Variants in GALNTL6 observed in about 807,000 individuals in gnomAD.
GALNTL6 encodes polypeptide N-acetylgalactosaminyltransferase like 6.
A neutral mutation model predicts 73.7 loss-of-function variants in GALNTL6; 46 were observed. The ratio of observed to expected loss-of-function variants is 0.62; its 90% CI spans 0.49 to 0.80. The LOEUF (loss-of-function observed/expected upper bound fraction) is 0.80. Among genes scored for constraint, GALNTL6 ranks in the 30% least tolerant of loss-of-function variants. GALNTL6 has a pLI of 0.00. For synonymous variants in GALNTL6, 259 were observed against 263.7 expected (o/e 0.98, Z 0.17); for missense variants, 604 against 755.0 (o/e 0.80, Z 2.34).
At chr4:172,063,663 T>C (rs1044289660) in intron 2 of GALNTL6, among the ~76,000 whole-genome samples, 2 of 152,204 alleles carry the variant, frequency 1.3e-5, no homozygotes, top group Non-Finnish European at 2.9e-5. Context: ...TCTGTTCTTT[T>C]GAGTGCTACA....
At chr4:172,581,748 T>C (rs1737199880) in intron 5 of GALNTL6, among the ~76,000 whole-genome samples, 1 of 152,186 alleles carries the variant, frequency 6.6e-6, no homozygotes, top group Non-Finnish European at 1.5e-5. Flanking sequence ...TGCTCTCTGA[T>C]TGGCTTGAGA....
At chr4:172,161,492 G>A (rs115912119) in intron 2 of GALNTL6, among the ~76,000 whole-genome samples, 2,789 of 152,072 alleles carry the variant, frequency 0.018, 43 homozygotes, top group South Asian at 0.032. Flanking sequence ...ATACTCATTG[G>A]CAGTACAGAG....
At chr4:172,019,163 G>T (rs1375100478) in intron 2 of GALNTL6, among the ~76,000 whole-genome samples, 2 of 152,080 alleles carry the variant, frequency 1.3e-5, no homozygotes, top group African/African-American at 4.8e-5. Flanking sequence ...GTACACTCCT[G>T]CAATGGTTTT....
At chr4:172,672,702 CTTA>C (rs1436321831) in intron 5 of GALNTL6, among the ~76,000 whole-genome samples, 1 of 152,006 alleles carries the variant, frequency 6.6e-6, no homozygotes, top group African/African-American at 2.4e-5. Flanking sequence ...AATTTTAGAA[CTTA>C]TTATTGGTCT....
At chr4:171,909,250 C>T (rs945024036) in intron 2 of GALNTL6, among the ~76,000 whole-genome samples, 2 of 150,390 alleles carry the variant, frequency 1.3e-5, no homozygotes, top group Non-Finnish European at 1.5e-5. Flanking sequence ...TTTTGTGCAA[C>T]CACAGTGATG....
chr4:171,922,542 T>A (rs568514514), intron 2 of GALNTL6, among the ~76,000 whole-genome samples: 1 of 152,192 alleles, frequency 6.6e-6, no homozygotes, highest in East Asian at 1.9e-4. Context: ...TGTATTTTTT[T>A]TTTTACATTG....
At chr4:172,106,929 C>A (rs28572436) in intron 2 of GALNTL6, among the ~76,000 whole-genome samples, 61,716 of 152,088 alleles carry the variant, frequency 0.41, 13,075 homozygotes, top group African/African-American at 0.5. Context: ...GCTGGAGTGC[C>A]ATGGCACGAT....
intron 10 of GALNTL6, among the ~76,000 whole-genome samples, chr4:173,006,267 C>T (rs1420690196): frequency 6.6e-6 from 1 of 152,132 alleles, no homozygotes; most frequent in Non-Finnish European, 1.5e-5. Context: ...AAGTTGTCTT[C>T]AGTATAAACT....
chr4:172,787,233 T>C (rs1739711699), intron 5 of GALNTL6, among the ~76,000 whole-genome samples: 2 of 152,154 alleles, frequency 1.3e-5, no homozygotes, highest in African/African-American at 4.8e-5. Context: ...CAAGATCACA[T>C]TATTTTGAAA....
chr4:172,337,818 C>A (rs1269033872), intron 4 of GALNTL6, among the ~76,000 whole-genome samples: 1 of 150,692 alleles, frequency 6.6e-6, no homozygotes, highest in Non-Finnish European at 1.5e-5. Flanking sequence ...ACCTATTTCT[C>A]TAGCAAAATT....
At position 172,274,172 on chromosome 4, in the gene GALNTL6, C is replaced by G. The variant is rs146687158; in HGVS notation, c.248-37442C>G. 1.2e-3 allele frequency among the ~76,000 whole-genome samples: 188 copies of G among 152,202 alleles called. 1 individual carries two copies. The highest frequency in any genetic ancestry group is 4.1e-3 in the African/African-American group (171 of 41,520). On this transcript the variant is annotated intron_variant, in intron 3 of 12. Coordinates refer to ENST00000506823, the MANE Select transcript of GALNTL6 (RefSeq NM_001034845.3). ...GTTACTTAATTCACAGTATCATGCA[C>G]TAAAATTTCTAAAATGTAAAAAAAG...
At chr4:172,957,849 GATA>G (rs2126366144) in intron 10 of GALNTL6, among the ~76,000 whole-genome samples, 1 of 152,336 alleles carries the variant, frequency 6.6e-6, no homozygotes, top group South Asian at 2.1e-4. Context: ...AGATGTGGAA[GATA>G]ATATAGCATA....
intron 5 of GALNTL6, among the ~76,000 whole-genome samples, chr4:172,460,101 C>T (rs568923168): frequency 1.8e-3 from 273 of 152,158 alleles, no homozygotes; most frequent in Non-Finnish European, 3.2e-3. Context: ...ACAAACCTGA[C>T]AAAAACAAGC....
At chr4:172,319,993 A>C (rs911461250) in intron 4 of GALNTL6, among the ~76,000 whole-genome samples, 6 of 152,120 alleles carry the variant, frequency 3.9e-5, no homozygotes, top group African/African-American at 1.4e-4. Flanking sequence ...CCAAGAACAC[A>C]GGGCTTTCTA....
chr4:172,907,865 T>G (rs150069916), intron 8 of GALNTL6, among the ~76,000 whole-genome samples: 9 of 152,340 alleles, frequency 5.9e-5, no homozygotes, highest in African/African-American at 2.2e-4. Context: ...ACTTTTTTTC[T>G]TTCCTTATTA....
At chr4:172,520,135 C>T (rs1183871730) in intron 5 of GALNTL6, among the ~76,000 whole-genome samples, 1 of 151,790 alleles carries the variant, frequency 6.6e-6, no homozygotes, top group Non-Finnish European at 1.5e-5. Context: ...TGTACAACAA[C>T]CCACTGTGGC....
chr4:172,170,218 C>T (rs78350845), intron 2 of GALNTL6, among the ~76,000 whole-genome samples: 3,145 of 152,212 alleles, frequency 0.021, 105 homozygotes, highest in African/African-American at 0.07. Context: ...ATAATCCCCA[C>T]GTGTCAAGGG....
intron 2 of GALNTL6, among the ~76,000 whole-genome samples, chr4:172,163,429 T>C (rs1300385271): frequency 1.3e-5 from 2 of 151,882 alleles, no homozygotes; most frequent in African/African-American, 4.8e-5. Context: ...CATCCTACTG[T>C]GTAGATAGTA....
rs929114390 is a variant in GALNTL6 at position 172,705,574 on chromosome 4, T to C, written c.554-103787T>C. The stretch of plus-strand genomic sequence containing the variant: ...GTAATTTTCTCTGGGTATTTACTTT[T>C]TCCAATGATTTTTATACTTCAGGTG... On this transcript the variant is annotated intron_variant, in intron 5 of 12. Transcript: ENST00000506823. 5.9e-5 allele frequency among the ~76,000 whole-genome samples: 9 copies of C among 152,216 alleles called. No homozygotes were observed. In the East Asian group the frequency reaches 9.6e-4, roughly 16 times the overall value.
Sources: gnomAD v4.1 joint callset for allele counts (sites outside exome capture counted in the v4.1 genomes callset) on GRCh38, gnomAD v4.1.1 for gene constraint, MANE v1.5 for transcripts, NCBI Gene and HGNC (gene_info 2026-07-23, HGNC 2026-07-21) for gene names.